PIGX: variants seen among roughly 807,000 people sequenced by gnomAD.
PIGX encodes phosphatidylinositol glycan anchor biosynthesis class X, also known as GPI alpha-1,4-mannosyltransferase I, stabilizing subunit.
A neutral mutation model predicts 28.7 loss-of-function variants in PIGX; 24 were observed. The observed-to-expected ratio is 0.84, with a 90% CI of 0.60 to 1.17. The LOEUF is 1.17. PIGX is among the 50% of genes most tolerant of loss of function. The probability of loss-of-function intolerance (pLI) is 0.00; values close to 1 mark genes in which losing one functional copy is unlikely to be tolerated. For synonymous variants in PIGX, 127 were observed against 121.0 expected, an observed-to-expected ratio of 1.05 and a Z score of -0.33; for missense variants, 305 against 317.8, an observed-to-expected ratio of 0.96 and a Z score of 0.31.
intron 2 of PIGX, among the ~76,000 whole-genome samples, chr3:196,720,079 AATTTTAACG>A (rs1297799332): frequency 3.9e-5 from 6 of 152,346 alleles, no homozygotes; most frequent in Non-Finnish European, 7.3e-5. Context: ...CGCCCGGCCT[AATTTTAACG>A]ATTTGTAAGT....
intron 5 of PIGX, among the ~76,000 whole-genome samples, chr3:196,732,119 C>A (rs1712784629): frequency 6.7e-6 from 1 of 149,612 alleles, no homozygotes. Context: ...AGCCACCACA[C>A]CTGACTTCAG....
Position 196,728,050 on chromosome 3 carries a change from A to G in PIGX, c.446A>G (p.His149Arg). ...TGTTTTCAAGCCTTTTTGCCTGTGC[A>G]CTGCCGCTATCATCGGCCGCACAGT... The change falls in exon 4 of 6, where the codon CAC becomes CGC. Residue 149 changes from histidine to arginine, a missense_variant. His to Arg is a conservative substitution (Grantham distance 29, BLOSUM62 0). Coordinates refer to ENST00000392391, the MANE Select transcript of PIGX (RefSeq NM_017861.4). The G allele has an allele frequency of 6.2e-7, 1 of 1,614,156 alleles. No individual in the cohort carries two copies. The highest frequency in any genetic ancestry group is 8.5e-7 in the Non-Finnish European group (1 of 1,180,006).
chr3:196,735,673 T>C lies in PIGX; in HGVS notation c.*1771T>C, dbSNP rs936049634. Reference sequence around the variant, plus strand: ...TCATGCTTTCTCGTAAGAAAGAATTTCATGTTTTAGAAACATTTCTTTCAC... The same window carrying C: ...TCATGCTTTCTCGTAAGAAAGAATTCCATGTTTTAGAAACATTTCTTTCAC... On this transcript the variant is annotated 3_prime_UTR_variant, in exon 6 of 6. Coordinates refer to ENST00000392391, the MANE Select transcript of PIGX (RefSeq NM_017861.4). 1 of 152,258 alleles carries C rather than the reference T, an allele frequency of 6.6e-6. No homozygotes were observed. The highest frequency in any genetic ancestry group is 2.4e-5 in the African/African-American group (1 of 41,476). 9.4% of individuals were successfully genotyped at this position (152,258 alleles called of 1,614,324 possible).
At chr3:196,716,766 T>G (rs993142532) in intron 1 of PIGX, 92 bp from the exon 2 acceptor site, 15 of 560,636 alleles carry the variant, frequency 2.7e-5, no homozygotes, top group Non-Finnish European at 3.4e-5. Context: ...TCTAGGCAAG[T>G]AAAGCCTACT....
chr3:196,715,359 G>A (rs865934979), intron 1 of PIGX, among the ~76,000 whole-genome samples: 11 of 152,304 alleles, frequency 7.2e-5, no homozygotes, highest in East Asian at 5.8e-4. Flanking sequence ...AATCGGTCAC[G>A]TAGTTAGTTG....
chr3:196,732,262 TTTTATTTTATTTTTTTTTTTATTTTA>T (rs1712829051), intron 5 of PIGX, among the ~76,000 whole-genome samples: 1 of 51,270 alleles, frequency 2.0e-5, no homozygotes, highest in African/African-American at 8.7e-5. Context: ...ATATATTTTA[TTTTATTTTATTTTTTTTTTTATTTTA>T]TTTTTTTTTT....
rs771338038 is a variant in PIGX, at chr3:196,728,014, A to G, written c.410A>G (p.Gln137Arg). Residue 137 changes from glutamine to arginine, a missense_variant, in exon 4 of 6, where the codon CAG becomes CGG. Gln to Arg is a conservative substitution (Grantham distance 43). Coordinates refer to ENST00000392391, the MANE Select transcript of PIGX (RefSeq NM_017861.4). ...CTCATTTATGCCAGACGAGATTCACAGTGCATTGACTGTTTTCAAGCCTTT... is the reference window on the plus strand; with the variant it reads ...CTCATTTATGCCAGACGAGATTCACGGTGCATTGACTGTTTTCAAGCCTTT... 4 of 1,614,048 alleles carry G rather than the reference A, an allele frequency of 2.5e-6. No homozygotes were observed. The highest frequency in any genetic ancestry group is 1.1e-5 in the South Asian group (1 of 91,078).
At chr3:196,725,968 A>T (rs114282578) in intron 3 of PIGX, among the ~76,000 whole-genome samples, 2,923 of 152,298 alleles carry the variant, frequency 0.019, 93 homozygotes, top group African/African-American at 0.066. Flanking sequence ...AGGGATATAG[A>T]CATATCCAGC....
chr3:196,733,706 C>A lies in PIGX; in HGVS notation c.634-53C>A. ...GGGATTACAGGCATGAGCTACCACACCGGGCCCATGACATGCATTTTCAAT... is the reference window on the plus strand; with the variant it reads ...GGGATTACAGGCATGAGCTACCACAACGGGCCCATGACATGCATTTTCAAT... On this transcript the variant is annotated intron_variant, in intron 5 of 5. Coordinates refer to ENST00000392391, the MANE Select transcript of PIGX (RefSeq NM_017861.4). The surrounding 1 kb of genome is among the most constrained non-coding windows in gnomAD (Gnocchi z 4.3). 2 of 1,375,836 alleles carry A rather than the reference C, an allele frequency of 1.5e-6. No homozygotes were observed. Among genetic ancestry groups the A allele is most frequent in the Non-Finnish European group, 2.1e-6 (2 of 969,998 alleles). The allele number at this position is 1,375,836 out of a possible 1,614,324, so 85.2% of individuals were successfully genotyped here.
chr3:196,719,729 C>T (rs1712238547), intron 2 of PIGX, among the ~76,000 whole-genome samples: 1 of 152,038 alleles, frequency 6.6e-6, no homozygotes, highest in Non-Finnish European at 1.5e-5. Flanking sequence ...TTTCTTTAAG[C>T]AGTCACTTTT....
At position 196,731,028 on chromosome 3, in the gene PIGX, T is replaced by A; in HGVS notation, c.569T>A (p.Val190Glu). 1 of 1,611,846 alleles carries A rather than the reference T, an allele frequency of 6.2e-7. No homozygotes were observed. The highest frequency in any genetic ancestry group is 1.1e-5 in the South Asian group (1 of 91,046). Residue 190 changes from valine to glutamate, a missense_variant, in exon 5 of 6, where the codon GTG becomes GAG. Val to Glu is a moderately radical substitution (Grantham distance 121). Coordinates refer to ENST00000392391, the MANE Select transcript of PIGX (RefSeq NM_017861.4). ...TTGAAATGCTGGGCTCACTCAGAAG[T>A]GGCAGCCCCTTGTGCTTTGGAGAAT...
Position 196,718,318 on chromosome 3 carries a change from A to T in PIGX, c.176+1397A>T, listed in dbSNP as rs567977550. Among the ~76,000 whole-genome samples, 19 of 151,538 alleles carry T rather than the reference A, an allele frequency of 1.3e-4. 1 individual carries two copies. The highest frequency in any genetic ancestry group is 4.6e-4 in the African/African-American group (19 of 41,288). On this transcript the variant is annotated intron_variant, in intron 2 of 5. Transcript: ENST00000392391. The stretch of plus-strand genomic sequence containing the variant: ...AGCGAGGCAAAACTCCGTCTGAAGA[A>T]AAAAAAAAGGGGGGGAAGGGTATAG...
chr3:196,729,441 CT>C (rs1295584633), intron 4 of PIGX, among the ~76,000 whole-genome samples: 3 of 150,602 alleles, frequency 2.0e-5, no homozygotes, highest in African/African-American at 7.3e-5. Context: ...GAGTCTCGCT[CT>C]GTTGCCCAGG....
chr3:196,712,857 C>G (rs1577665346), intron 1 of PIGX: 1 of 1,088,754 alleles, frequency 9.2e-7, no homozygotes, highest in Admixed American at 5.2e-5. Flanking sequence ...CGGGCTCGGG[C>G]CCTGCGGTTC....
chr3:196,715,055 A>G (rs992801662), intron 1 of PIGX, among the ~76,000 whole-genome samples: 1 of 152,214 alleles, frequency 6.6e-6, no homozygotes, highest in Admixed American at 6.5e-5. Flanking sequence ...CAGCCTGGCA[A>G]CAGAGTGAGA....
At chr3:196,727,800 T>C in intron 3 of PIGX, 123 bp from the exon 4 acceptor site, 1 of 547,256 alleles carries the variant, frequency 1.8e-6, no homozygotes, top group Non-Finnish European at 3.2e-6. Flanking sequence ...GGAATGGAAA[T>C]TGCTTATAAA....
chr3:196,728,500 A>C, intron 4 of PIGX: 1 of 607,660 alleles, frequency 1.6e-6, no homozygotes, highest in Admixed American at 3.0e-5. Context: ...ACACTATACC[A>C]AGACTAAGGT....
At chr3:196,726,627 G>C (rs769849972) in intron 3 of PIGX, 3 of 455,232 alleles carry the variant, frequency 6.6e-6, no homozygotes, top group Non-Finnish European at 1.3e-5. Context: ...TGAGAACCCA[G>C]GAGAACTGTG....
At chr3:196,726,766 T>C in intron 3 of PIGX, 1 of 450,606 alleles carries the variant, frequency 2.2e-6, no homozygotes, top group Non-Finnish European at 4.5e-6. Flanking sequence ...CTGGTAAATG[T>C]TATAGGTTAG....
Sources: gnomAD v4.1 joint callset for allele counts (sites outside exome capture counted in the v4.1 genomes callset) on GRCh38, gnomAD v4.1.1 for gene constraint, Gnocchi (gnomAD v3.1) non-coding constraint, MANE v1.5 for transcripts, NCBI Gene and HGNC (gene_info 2026-07-23, HGNC 2026-07-21) for gene names.